Variants in TMEM33 observed in about 807,000 individuals in gnomAD.
The protein encoded by TMEM33 is transmembrane protein 33.
A neutral mutation model predicts 29.7 loss-of-function variants in TMEM33; 16 were observed. The ratio of observed to expected loss-of-function variants is 0.54; its 90% CI spans 0.36 to 0.82. The LOEUF (loss-of-function observed/expected upper bound fraction) is 0.82, where lower values mean the gene tolerates loss of function less well. Ranked by LOEUF, TMEM33 falls within the 40% of genes least tolerant of loss-of-function variation. The pLI, the probability that TMEM33 is intolerant of heterozygous loss-of-function variation, is 0.00. For missense variants in TMEM33, 252 were observed against 295.3 expected (o/e 0.85, Z 1.08); for synonymous variants, 112 against 109.4 (o/e 1.02, Z -0.15).
Position 41,940,939 on chromosome 4 carries a change from A to G in TMEM33, c.328+1556A>G, listed in dbSNP as rs574051300. On this transcript the variant is annotated intron_variant, in intron 3 of 6. Transcript: ENST00000504986. The stretch of plus-strand genomic sequence containing the variant: ...AGTATTCACTTCCCACACATTGGCT[A>G]GTAAGTAGTAATGCTGAAAAAGTCT... Among the ~76,000 whole-genome samples, 3 of 152,244 alleles carry G rather than the reference A, an allele frequency of 2.0e-5. No homozygotes were observed. In the South Asian group the frequency reaches 6.2e-4, roughly 32 times the overall value.
intron 3 of TMEM33, among the ~76,000 whole-genome samples, chr4:41,940,279 G>A (rs887887455): frequency 2.3e-4 from 35 of 151,738 alleles, no homozygotes; most frequent in African/African-American, 8.5e-4. Flanking sequence ...TTTTTTTCCT[G>A]TAGATTATCT....
At chr4:41,944,994 T>C (rs1227280975) in intron 5 of TMEM33, 68 bp downstream of exon 5, 7 of 1,570,612 alleles carry the variant, frequency 4.5e-6, no homozygotes, top group Non-Finnish European at 6.0e-6. Flanking sequence ...AACTCAAGTT[T>C]TATTCTGTTT....
In TMEM33 at chr4:41,939,438, C is replaced by T. The variant is rs548407723; in HGVS notation, c.328+55C>T. 181 of 1,574,928 alleles carry T rather than the reference C, an allele frequency of 1.1e-4. 1 individual carries two copies. In the Middle Eastern group the frequency reaches 2.0e-3, roughly 18 times the overall value. On this transcript the variant is annotated intron_variant, in intron 3 of 6. Coordinates refer to ENST00000504986, the MANE Select transcript of TMEM33 (RefSeq NM_018126.3). Reference sequence around the variant, plus strand: ...ATTGCCAACTAAGCATATAGGAGATCTCTTCTGATTATTTCAGCAATGAAG... The same window carrying T: ...ATTGCCAACTAAGCATATAGGAGATTTCTTCTGATTATTTCAGCAATGAAG...
rs539965024 is a variant in TMEM33 at position 41,946,539 on chromosome 4, A to G, written c.530+1613A>G. On this transcript the variant is annotated intron_variant, in intron 5 of 6. Coordinates refer to ENST00000504986, the MANE Select transcript of TMEM33 (RefSeq NM_018126.3). ...AGTAGTGCTTTCTTCTGAGAACTCCAGGACTGGCTGGTGTTGCTTAAGTTG... is the reference window on the plus strand; with the variant it reads ...AGTAGTGCTTTCTTCTGAGAACTCCGGGACTGGCTGGTGTTGCTTAAGTTG... Among the ~76,000 whole-genome samples, 20 of 152,276 alleles carry G rather than the reference A, an allele frequency of 1.3e-4. 1 individual carries two copies. The South Asian group carries it at 3.9e-3, about 30-fold the overall frequency.
At chr4:41,952,711 G>A (rs1472747504) in intron 6 of TMEM33, among the ~76,000 whole-genome samples, 1 of 152,084 alleles carries the variant, frequency 6.6e-6, no homozygotes, top group South Asian at 2.1e-4. Flanking sequence ...GTGTGACACC[G>A]AGTACTTGGG....
chr4:41,939,323 G>C lies in TMEM33; in HGVS notation c.268G>C (p.Glu90Gln). 1 of 1,613,736 alleles carries C rather than the reference G, an allele frequency of 6.2e-7. No individual in the cohort carries two copies. ...SRAFLAQALL[E>Q]DSCHYLLYSL... The stretch of plus-strand genomic sequence containing the variant: ...AGCATTCCTGGCCCAGGCTTTGTTA[G>C]AGGACAGCTGCCACTACCTGTTGTA... Residue 90 changes from glutamate (E) to glutamine (Q), a missense_variant, in exon 3 of 7, where the codon GAG becomes CAG. Physicochemically the swap from Glu to Gln is conservative, Grantham distance 29. Coordinates refer to ENST00000504986, the MANE Select transcript of TMEM33 (RefSeq NM_018126.3).
At chr4:41,935,938 A>G (rs908449480) in intron 1 of TMEM33, among the ~76,000 whole-genome samples, 3 of 152,186 alleles carry the variant, frequency 2.0e-5, no homozygotes, top group African/African-American at 7.2e-5. Context: ...AGTTTATACA[A>G]TCGTATATAG....
In TMEM33 at chr4:41,955,864, G is replaced by T. The variant is rs527245265; in HGVS notation, c.*1665G>T. The T allele has an allele frequency of 2.6e-5, 4 of 152,586 alleles. No individual in the cohort carries two copies. The highest frequency in any genetic ancestry group is 5.9e-5 in the Non-Finnish European group (4 of 68,014). The allele number at this position is 152,586 out of a possible 1,614,324, so 9.5% of individuals were successfully genotyped here. A position where few individuals can be genotyped will look rare whatever the true frequency, so the allele number is the denominator to read the frequency against. ...AAAATGAAGTCTTGAATTATATCAAGAAATTTTGGCAGCTGAAGTCATGTT... is the reference window on the plus strand; with the variant it reads ...AAAATGAAGTCTTGAATTATATCAATAAATTTTGGCAGCTGAAGTCATGTT... On this transcript the variant is annotated 3_prime_UTR_variant, in exon 7 of 7. Coordinates refer to ENST00000504986, the MANE Select transcript of TMEM33 (RefSeq NM_018126.3).
chr4:41,949,910 G>A (rs1050945014), intron 6 of TMEM33, among the ~76,000 whole-genome samples: 2 of 152,132 alleles, frequency 1.3e-5, no homozygotes, highest in Non-Finnish European at 2.9e-5. Context: ...CAAGAGAGAC[G>A]AGAAGCACAA....
chr4:41,940,540 CGCGGTGGCTCACGT>C (rs1712487938), intron 3 of TMEM33, among the ~76,000 whole-genome samples: 1 of 151,908 alleles, frequency 6.6e-6, no homozygotes, highest in African/African-American at 2.4e-5. Flanking sequence ...TTAGGCCAGG[CGCGGTGGCTCACGT>C]GCGGTGGCAC....
rs1293066564 is a variant in TMEM33 at position 41,955,206 on chromosome 4, G to A, written c.*1007G>A. ...TTACCCATCAAATCTGACTTAAAAG[G>A]TTAAATGGAAGGTTTTATAGGTAAG... is the stretch of plus-strand genomic sequence containing the variant. On this transcript the variant is annotated 3_prime_UTR_variant, in exon 7 of 7. Transcript: ENST00000504986. 1 of 152,486 alleles carries A rather than the reference G, an allele frequency of 6.6e-6. No homozygotes were observed. Among genetic ancestry groups the A allele is most frequent in the African/African-American group, 2.4e-5 (1 of 41,396 alleles). The allele number at this position is 152,486 out of a possible 1,614,324, so 9.4% of individuals were successfully genotyped here. A position where few individuals can be genotyped will look rare whatever the true frequency, so the allele number is the denominator to read the frequency against.
chr4:41,952,253 ATGCATTACT>A (rs1713074227), intron 6 of TMEM33, among the ~76,000 whole-genome samples: 3 of 152,214 alleles, frequency 2.0e-5, no homozygotes, highest in Non-Finnish European at 2.9e-5. Context: ...TTGGAAAATT[ATGCATTACT>A]CCAAATATTA....
In TMEM33 at chr4:41,940,046, CTTTTTTT is replaced by C. The variant is rs71650953; in HGVS notation, c.328+681_328+687del. ...TATAGTGAACACTAGGTTAAACTTT[CTTTTTTT>C]TTTTTTTTTTTTTTTTTGAGACAGA... On this transcript the variant is annotated intron_variant, in intron 3 of 6. Transcript: ENST00000504986. Among the ~76,000 whole-genome samples the C allele has an allele frequency of 3.0e-3, 244 of 81,364 alleles. 2 individuals are homozygous for C. Among genetic ancestry groups the C allele is most frequent in the African/African-American group, 6.0e-3 (107 of 17,916 alleles). 53.4% of individuals were successfully genotyped at this position (81,364 alleles called of 152,430 possible).
rs1381659342 is a variant in TMEM33 at position 41,944,817 on chromosome 4, C to G, written c.421C>G (p.Leu141Val). The G allele has an allele frequency of 1.2e-6, 2 of 1,613,372 alleles. No individual in the cohort carries two copies. The highest frequency in any genetic ancestry group is 1.7e-6 in the Non-Finnish European group (2 of 1,179,758). ...LDARGSNSLPLLRSVLDKLSA... is the reference protein window; with the variant it reads ...LDARGSNSLPVLRSVLDKLSA... Reference sequence around the variant, plus strand: ...GGCAAGGGGCTCAAATAGTTTACCTCTGCTGAGATCTGTCTTGGACAAATT... The same window carrying G: ...GGCAAGGGGCTCAAATAGTTTACCTGTGCTGAGATCTGTCTTGGACAAATT... Residue 141 changes from leucine to valine, a missense_variant, in exon 5 of 7, where the codon CTG becomes GTG. Transcript: ENST00000504986.
Position 41,935,438 on chromosome 4 carries a change from C to T in TMEM33, c.-47C>T. Reference sequence around the variant, plus strand: ...AGCGCTGACGTTTTCTCTCCCCTTTCTTCTCTCTTCGCGGTTGCGGCGTCG... The same window carrying T: ...AGCGCTGACGTTTTCTCTCCCCTTTTTTCTCTCTTCGCGGTTGCGGCGTCG... On this transcript the variant is annotated 5_prime_UTR_variant, in exon 1 of 7. Coordinates refer to ENST00000504986, the MANE Select transcript of TMEM33 (RefSeq NM_018126.3). 1.3e-6 allele frequency: 2 copies of T among 1,575,210 alleles called. No homozygotes were observed. The highest frequency in any genetic ancestry group is 1.7e-6 in the Non-Finnish European group (2 of 1,159,022).
In TMEM33 at chr4:41,939,177, C is replaced by A. The variant is rs780973947; in HGVS notation, c.141-19C>A. The A allele has an allele frequency of 6.3e-7, 1 of 1,582,594 alleles. No homozygotes were observed. Among genetic ancestry groups the A allele is most frequent in the Non-Finnish European group, 8.6e-7 (1 of 1,168,622 alleles). On this transcript the variant is annotated intron_variant, in intron 2 of 6. Coordinates refer to ENST00000504986, the MANE Select transcript of TMEM33 (RefSeq NM_018126.3). ...AGTTGTTTATGTCTCATGATAACCT[C>A]TCCTCTGGTAATTTGCAGGTTGCAT...
intron 6 of TMEM33, 108 bp downstream of exon 6, chr4:41,949,493 C>G (rs1054696470): frequency 1.2e-6 from 1 of 866,532 alleles, no homozygotes; most frequent in Admixed American, 3.0e-5. Context: ...ACTTTAGAAG[C>G]AAGCAGTGTT....
chr4:41,939,976 A>T, intron 3 of TMEM33: 3 of 346,326 alleles, frequency 8.7e-6, no homozygotes, highest in Non-Finnish European at 1.7e-5. Flanking sequence ...TTGTGGGATG[A>T]TACTGGGTAG....
intron 2 of TMEM33, 28 bp downstream of exon 2, chr4:41,938,724 G>C (rs761971018): frequency 6.2e-7 from 1 of 1,607,126 alleles, no homozygotes; most frequent in Non-Finnish European, 8.5e-7. Context: ...TGCTGCCTTT[G>C]ATATTCAATT....
Sources: allele counts gnomAD v4.1 joint callset (sites outside exome capture counted in the v4.1 genomes callset), GRCh38; gene constraint gnomAD v4.1.1; transcripts MANE v1.5; gene names NCBI Gene and HGNC (gene_info 2026-07-23, HGNC 2026-07-21).